The following RTTN variants were observed in gnomAD, a reference collection of about 807,000 sequenced individuals.
The protein encoded by RTTN is rotatin.
Under a neutral mutation model 269.2 loss-of-function variants are expected in RTTN, and 182 were observed. The ratio of observed to expected loss-of-function variants is 0.68; its 90% CI spans 0.60 to 0.76. The LOEUF (loss-of-function observed/expected upper bound fraction) is 0.76, where lower values mean the gene tolerates loss of function less well. RTTN is among the 30% of genes least tolerant of loss of function. RTTN has a pLI of 0.00. For synonymous variants in RTTN, 1,006 were observed against 963.5 expected (o/e 1.04, Z -0.82); for missense variants, 2,545 against 2,608.6 (o/e 0.98, Z 0.53).
intron 46 of RTTN, among the ~76,000 whole-genome samples, chr18:70,012,455 G>A (rs1007136472): frequency 1.1e-4 from 17 of 149,070 alleles, no homozygotes; most frequent in Non-Finnish European, 2.1e-4. Context: ...TTGGTTACAG[G>A]GCAGCATCTG....
chr18:70,022,613 A>G (rs2056738452), intron 44 of RTTN, among the ~76,000 whole-genome samples: 1 of 152,076 alleles, frequency 6.6e-6, no homozygotes, highest in Admixed American at 6.5e-5. Context: ...TTCTCTCCTC[A>G]GCTCACACTA....
intron 18 of RTTN, among the ~76,000 whole-genome samples, chr18:70,143,662 G>A (rs538316799): frequency 1.4e-3 from 216 of 151,900 alleles, no homozygotes; most frequent in African/African-American, 5.0e-3. Context: ...TTAGTACCAG[G>A]GTGACGAAAT....
In RTTN at chr18:70,051,108, T is replaced by C. The variant is rs150562794; in HGVS notation, c.5323+303A>G. Among the ~76,000 whole-genome samples the C allele has an allele frequency of 4.4e-3, 667 of 152,226 alleles. 5 individuals are homozygous for C. Among genetic ancestry groups the C allele is most frequent in the African/African-American group, 0.015 (629 of 41,548 alleles). Reference sequence around the variant, plus strand: ...ATTTAAAAAAACCAACAGTGGCCAATATAATGTTCTCAATAAAACAGAGCT... The same window carrying C: ...ATTTAAAAAAACCAACAGTGGCCAACATAATGTTCTCAATAAAACAGAGCT... On this transcript the variant is annotated intron_variant, in intron 39 of 48. Transcript: ENST00000640769.
At chr18:70,107,535 A>T (rs553935805) in intron 28 of RTTN, among the ~76,000 whole-genome samples, 1 of 152,366 alleles carries the variant, frequency 6.6e-6, no homozygotes, top group South Asian at 2.1e-4. Flanking sequence ...ATTGATGATA[A>T]AAACATGGCA....
chr18:70,198,288 T>G (rs184996436), intron 5 of RTTN, among the ~76,000 whole-genome samples: 1 of 152,208 alleles, frequency 6.6e-6, no homozygotes, highest in Admixed American at 6.5e-5. Context: ...ACACCCCTTC[T>G]CTCAGCCCAG....
chr18:70,118,021 T>C (rs1301991274), intron 26 of RTTN, among the ~76,000 whole-genome samples: 1 of 151,384 alleles, frequency 6.6e-6, no homozygotes, highest in African/African-American at 2.4e-5. Context: ...TAAACATCTA[T>C]GTCAAAAAGA....
intron 28 of RTTN, among the ~76,000 whole-genome samples, chr18:70,107,127 C>CA (rs1377106230): frequency 6.6e-6 from 1 of 152,186 alleles, no homozygotes; most frequent in Non-Finnish European, 1.5e-5. Flanking sequence ...AGATGTAGGA[C>CA]ACTCTGTTGC....
intron 5 of RTTN, among the ~76,000 whole-genome samples, chr18:70,198,402 C>T (rs950783392): frequency 3.3e-5 from 5 of 152,204 alleles, no homozygotes; most frequent in African/African-American, 1.2e-4. Flanking sequence ...ATACAACCTC[C>T]TAACCCTTTC....
At chr18:70,047,925 A>C in intron 40 of RTTN, 46 bp downstream of exon 40, 1 of 1,471,416 alleles carries the variant, frequency 6.8e-7, no homozygotes, top group East Asian at 2.3e-5. Flanking sequence ...AAGTCAATTT[A>C]TTTAAACGCT....
At chr18:70,089,118 G>T (rs1272106774) in intron 30 of RTTN, among the ~76,000 whole-genome samples, 1 of 152,028 alleles carries the variant, frequency 6.6e-6, no homozygotes, top group African/African-American at 2.4e-5. Context: ...GAACAAATTT[G>T]ATTGAAAATG....
chr18:70,190,841 A>G (rs762599869), intron 8 of RTTN, 122 bp from the exon 9 acceptor site: 3 of 598,926 alleles, frequency 5.0e-6, no homozygotes, highest in Non-Finnish European at 8.6e-6. Flanking sequence ...GCTTCATTCA[A>G]CTCTGGTCAG....
intron 8 of RTTN, 71 bp from the exon 9 acceptor site, chr18:70,190,790 G>T: frequency 9.6e-7 from 1 of 1,044,412 alleles, no homozygotes; most frequent in Non-Finnish European, 1.4e-6. Context: ...CATATCTGCT[G>T]CCTCGCATAT....
At chr18:70,183,411 T>C (rs1444707772) in intron 10 of RTTN, among the ~76,000 whole-genome samples, 1 of 152,086 alleles carries the variant, frequency 6.6e-6, no homozygotes, top group Non-Finnish European at 1.5e-5. Flanking sequence ...ATTACTGAGA[T>C]TTAAATTGAA....
chr18:70,084,346 A>G (rs114125127), intron 32 of RTTN, among the ~76,000 whole-genome samples: 17 of 152,344 alleles, frequency 1.1e-4, no homozygotes, highest in African/African-American at 3.4e-4. Context: ...TAAAATAAGT[A>G]AATGAAACAT....
intron 35 of RTTN, among the ~76,000 whole-genome samples, chr18:70,061,560 A>G (rs117248831): frequency 0.022 from 3,361 of 152,280 alleles, 54 homozygotes; most frequent in Middle Eastern, 0.045. Context: ...TCTACGAATT[A>G]AAAATCATTA....
intron 23 of RTTN, 29 bp from the exon 24 acceptor site, chr18:70,128,575 A>G: frequency 6.3e-7 from 1 of 1,589,078 alleles, no homozygotes; most frequent in Non-Finnish European, 8.6e-7. Context: ...AATAATTACA[A>G]ACTTTCAAAT....
intron 40 of RTTN, among the ~76,000 whole-genome samples, chr18:70,035,859 G>GA (rs1313473443): frequency 1.3e-5 from 2 of 151,690 alleles, no homozygotes; most frequent in African/African-American, 4.8e-5. Flanking sequence ...AAATTTACAA[G>GA]AAAAAAACAA....
intron 28 of RTTN, among the ~76,000 whole-genome samples, chr18:70,098,077 T>C (rs968779573): frequency 2.0e-5 from 3 of 152,190 alleles, no homozygotes; most frequent in Non-Finnish European, 4.4e-5. Flanking sequence ...TAGGTACTTA[T>C]AGGTTCAATT....
intron 10 of RTTN, among the ~76,000 whole-genome samples, chr18:70,184,717 TG>T (rs1157894118): frequency 0.016 from 295 of 18,908 alleles, 1 homozygote; most frequent in African/African-American, 0.027. Flanking sequence ...TTTTTTTTTT[TG>T]TGTGTGTGTG....
Sources: allele counts gnomAD v4.1 joint callset (sites outside exome capture counted in the v4.1 genomes callset), GRCh38; gene constraint gnomAD v4.1.1; transcripts MANE v1.5; gene names NCBI Gene and HGNC (gene_info 2026-07-23, HGNC 2026-07-21).